The following CDC27 variants were observed in gnomAD, a reference collection of about 807,000 sequenced individuals.
CDC27 encodes cell division cycle 27.
Under a neutral mutation model 109.7 loss-of-function variants are expected in CDC27, and 27 were observed. The ratio of observed to expected loss-of-function variants is 0.25; its 90% confidence interval spans 0.18 to 0.34. The LOEUF is 0.34. Ranked by LOEUF, CDC27 falls within the 10% of genes least tolerant of loss-of-function variation. CDC27 has a pLI of 1.00. For synonymous variants in CDC27, 266 were observed against 333.9 expected, an observed-to-expected ratio of 0.80 and a Z score of 2.22; for missense variants, 579 against 960.2, an observed-to-expected ratio of 0.60 and a Z score of 5.25.
chr17:47,138,241 TC>T (rs1310996254), intron 13 of CDC27, among the ~76,000 whole-genome samples: 2 of 152,194 alleles, frequency 1.3e-5, no homozygotes, highest in South Asian at 2.1e-4. Context: ...AATTCAGTGT[TC>T]ATGTTGACTA....
intron 4 of CDC27, among the ~76,000 whole-genome samples, chr17:47,168,736 A>G (rs1350355270): frequency 1.3e-5 from 2 of 152,176 alleles, no homozygotes; most frequent in Non-Finnish European, 2.9e-5. Flanking sequence ...ATGGATAAAC[A>G]TACCACCGTT....
intron 15 of CDC27, among the ~76,000 whole-genome samples, chr17:47,130,736 G>A: frequency 6.6e-6 from 1 of 152,122 alleles, no homozygotes; most frequent in African/African-American, 2.4e-5. Flanking sequence ...AATTAGCCAG[G>A]CGTGGTGTCG....
At chr17:47,178,826 G>A (rs1212338865) in intron 2 of CDC27, among the ~76,000 whole-genome samples, 1 of 151,098 alleles carries the variant, frequency 6.6e-6, no homozygotes, top group Non-Finnish European at 1.5e-5. Flanking sequence ...TTTTTGAGAC[G>A]GAGTCTCGCT....
chr17:47,168,161 T>C (rs1387340028), intron 4 of CDC27, among the ~76,000 whole-genome samples: 1 of 152,080 alleles, frequency 6.6e-6, no homozygotes, highest in Non-Finnish European at 1.5e-5. Flanking sequence ...GATTAAACCA[T>C]TGGCTGTTGG....
intron 14 of CDC27, among the ~76,000 whole-genome samples, chr17:47,134,894 G>A (rs1220894546): frequency 6.6e-6 from 1 of 151,074 alleles, no homozygotes; most frequent in African/African-American, 2.4e-5. Context: ...TAAAGTGCTG[G>A]GCTTATAGGT....
At chr17:47,174,110 T>C (rs1015541894) in intron 2 of CDC27, among the ~76,000 whole-genome samples, 2 of 152,054 alleles carry the variant, frequency 1.3e-5, no homozygotes, top group Non-Finnish European at 2.9e-5. Flanking sequence ...TAAATAAATA[T>C]AATGAAACTG....
intron 16 of CDC27, among the ~76,000 whole-genome samples, chr17:47,124,345 G>A (rs1479284701): frequency 2.0e-5 from 3 of 152,010 alleles, no homozygotes; most frequent in Admixed American, 1.3e-4. Context: ...GTGCAGTGGC[G>A]CCATCTCTGC....
intron 7 of CDC27, among the ~76,000 whole-genome samples, chr17:47,155,477 CT>C (rs1185299298): frequency 3.9e-5 from 6 of 152,116 alleles, no homozygotes; most frequent in Non-Finnish European, 5.9e-5. Flanking sequence ...AGCTCCTGGT[CT>C]CAAGTGATCT....
At chr17:47,170,556 G>T (rs1378991833) in intron 3 of CDC27, 1 of 151,982 alleles carries the variant, frequency 6.6e-6, no homozygotes, top group African/African-American at 2.4e-5. Context: ...CATTTGAGAG[G>T]CTGGAAATTT....
chr17:47,138,537 C>T (rs2062692986), intron 13 of CDC27, among the ~76,000 whole-genome samples: 1 of 152,064 alleles, frequency 6.6e-6, no homozygotes, highest in Non-Finnish European at 1.5e-5. Flanking sequence ...GAAATAGCTG[C>T]TTTGTGATTT....
intron 5 of CDC27, 145 bp from the exon 6 acceptor site, chr17:47,157,529 C>T (rs1251703520): frequency 1.9e-6 from 1 of 526,688 alleles, no homozygotes; most frequent in Non-Finnish European, 3.3e-6. Flanking sequence ...TCAAATTTAC[C>T]CCCAAAAAAC....
chr17:47,172,261 C>G (rs2063834243), intron 2 of CDC27, among the ~76,000 whole-genome samples, 197 bp from the exon 3 acceptor site: 1 of 152,092 alleles, frequency 6.6e-6, no homozygotes, highest in African/African-American at 2.4e-5. Context: ...ATCTTGATTA[C>G]TTTTCTCTAC....
intron 2 of CDC27, among the ~76,000 whole-genome samples, chr17:47,177,186 C>T (rs1461555590): frequency 6.6e-6 from 1 of 152,126 alleles, no homozygotes; most frequent in Non-Finnish European, 1.5e-5. Flanking sequence ...GTATTCCTAG[C>T]TACCTGGGAG....
intron 4 of CDC27, among the ~76,000 whole-genome samples, chr17:47,168,506 A>AT (rs1191257872): frequency 6.6e-6 from 1 of 152,114 alleles, no homozygotes; most frequent in Non-Finnish European, 1.5e-5. Flanking sequence ...ACTGTGAGTT[A>AT]TTTATCTTTA....
chr17:47,174,965 C>T (rs1461796122), intron 2 of CDC27, among the ~76,000 whole-genome samples: 3 of 132,710 alleles, frequency 2.3e-5, no homozygotes. Context: ...ACAGGACTAT[C>T]GAAACAGGAC....
At chr17:47,164,187 C>T (rs2063576298) in intron 4 of CDC27, among the ~76,000 whole-genome samples, 1 of 152,086 alleles carries the variant, frequency 6.6e-6, no homozygotes, top group South Asian at 2.1e-4. Flanking sequence ...AGGTTTGTGG[C>T]CCAGGAGCAA....
In CDC27 at chr17:47,176,976, TC is replaced by T. The variant is rs542453399; in HGVS notation, c.103+4585del. Among the ~76,000 whole-genome samples the T allele has an allele frequency of 2.1e-3, 326 of 152,296 alleles. 4 individuals are homozygous for T. Among genetic ancestry groups the T allele is most frequent in the African/African-American group, 7.3e-3 (305 of 41,558 alleles). The stretch of plus-strand genomic sequence containing the variant: ...TTTCTGTGAGTTTGGGCTCTCAGTA[TC>T]CTGGTTAATAGAAAAGAAACAGATG... On this transcript the variant is annotated intron_variant, in intron 2 of 18. Coordinates refer to ENST00000066544, the MANE Select transcript of CDC27 (RefSeq NM_001256.6).
intron 1 of CDC27, among the ~76,000 whole-genome samples, chr17:47,186,979 T>C (rs936556708): frequency 6.6e-6 from 1 of 152,176 alleles, no homozygotes; most frequent in African/African-American, 2.4e-5. Context: ...TCTTTCCCAT[T>C]TGCAGCACTA....
chr17:47,163,112 A>G (rs1567696056), intron 4 of CDC27, among the ~76,000 whole-genome samples: 1 of 152,222 alleles, frequency 6.6e-6, no homozygotes, highest in Non-Finnish European at 1.5e-5. Context: ...AAGAACTGGC[A>G]TAAAAAATAT....
Sources: allele counts gnomAD v4.1 joint callset (sites outside exome capture counted in the v4.1 genomes callset), GRCh38; gene constraint gnomAD v4.1.1; transcripts MANE v1.5; gene names NCBI Gene and HGNC (gene_info 2026-07-23, HGNC 2026-07-21).